The following GUCY1A2 variants were observed in gnomAD, a reference collection of about 807,000 sequenced individuals.
GUCY1A2 encodes guanylate cyclase soluble subunit alpha-2.
GUCY1A2 carries 27 observed loss-of-function variants against 63.5 expected under a neutral mutation model. The ratio of observed to expected loss-of-function variants is 0.43; its 90% CI spans 0.31 to 0.59. The LOEUF (loss-of-function observed/expected upper bound fraction) is 0.59. Ranked by LOEUF, GUCY1A2 falls within the 20% of genes least tolerant of loss-of-function variation. The pLI, the probability that GUCY1A2 is intolerant of heterozygous loss-of-function variation, is 0.11. For missense variants in GUCY1A2, 768 were observed against 913.3 expected (o/e 0.84, Z 2.05); for synonymous variants, 364 against 343.5 (o/e 1.06, Z -0.66).
intron 3 of GUCY1A2, among the ~76,000 whole-genome samples, chr11:106,976,996 G>T (rs571463156): frequency 1.3e-5 from 2 of 152,128 alleles, no homozygotes; most frequent in Non-Finnish European, 2.9e-5. Flanking sequence ...ACAAGCCACA[G>T]TCCAACTGCC....
chr11:106,979,293 A>T (rs934168931), intron 2 of GUCY1A2, among the ~76,000 whole-genome samples: 1 of 152,030 alleles, frequency 6.6e-6, no homozygotes, highest in African/African-American at 2.4e-5. Context: ...GTCTCTACTA[A>T]AAATACAAAA....
At chr11:106,949,094 G>C (rs775969552) in intron 3 of GUCY1A2, among the ~76,000 whole-genome samples, 1 of 152,130 alleles carries the variant, frequency 6.6e-6, no homozygotes, top group Non-Finnish European at 1.5e-5. Flanking sequence ...ACGATTGTGT[G>C]TGTGTGTTGT....
intron 4 of GUCY1A2, among the ~76,000 whole-genome samples, chr11:106,841,457 T>C (rs1859196476): frequency 6.6e-6 from 1 of 151,918 alleles, no homozygotes; most frequent in South Asian, 2.1e-4. Flanking sequence ...CTGACTCGAC[T>C]TAAAGACATT....
rs1376643664 is a variant in GUCY1A2 at position 107,014,182 on chromosome 11, G to A, written c.303+3571C>T. Among the ~76,000 whole-genome samples the A allele has an allele frequency of 3.5e-5, 5 of 141,628 alleles. No homozygotes were observed. In the East Asian group the frequency reaches 8.4e-4, roughly 24 times the overall value. The allele number at this position is 141,628 out of a possible 152,430, so 92.9% of individuals were successfully genotyped here. On this transcript the variant is annotated intron_variant, in intron 1 of 7. Transcript: ENST00000526355. Reference sequence around the variant, plus strand: ...CGGCTCACTACAACCTCTGCCTCCCGGGTTCAAGCAATTCTCCTGCCTCAG... The same window carrying A: ...CGGCTCACTACAACCTCTGCCTCCCAGGTTCAAGCAATTCTCCTGCCTCAG...
chr11:106,956,895 T>G (rs766608095), intron 3 of GUCY1A2, among the ~76,000 whole-genome samples: 1 of 152,208 alleles, frequency 6.6e-6, no homozygotes. Flanking sequence ...ACAGCAAGTC[T>G]GCTGGTCCCC....
In GUCY1A2 at chr11:106,939,969, C is replaced by T. The variant is rs1860731350; in HGVS notation, c.697G>A (p.Gly233Ser). The T allele has an allele frequency of 1.9e-6, 3 of 1,614,038 alleles. No individual in the cohort carries two copies. Among genetic ancestry groups the T allele is most frequent in the East Asian group, 2.2e-5 (1 of 44,874 alleles). Residue 233 changes from glycine (G) to serine (S), a missense_variant, in exon 4 of 8, where the codon GGT (glycine) becomes AGT (serine). By Grantham distance (56) the Gly-to-Ser change is moderately conservative (BLOSUM62 0). Coordinates refer to ENST00000526355, the MANE Select transcript of GUCY1A2 (RefSeq NM_000855.3). ...TGGAAGTAGTGGAGCATGAGAGTACCTTCAGGGAGCTCTTTGCATAGGAAA... is the reference window on the plus strand; with the variant it reads ...TGGAAGTAGTGGAGCATGAGAGTACTTTCAGGGAGCTCTTTGCATAGGAAA... ...PSFLCKELPE[G>S]TLMLHYFHPH... is the part of the protein sequence containing the mutation.
At chr11:106,961,384 A>G (rs571862318) in intron 3 of GUCY1A2, among the ~76,000 whole-genome samples, 32 of 152,262 alleles carry the variant, frequency 2.1e-4, no homozygotes, top group African/African-American at 7.5e-4. Flanking sequence ...GCTAAAAGAG[A>G]TATAAAACAA....
At chr11:106,956,847 T>A (rs1860991662) in intron 3 of GUCY1A2, among the ~76,000 whole-genome samples, 1 of 152,158 alleles carries the variant, frequency 6.6e-6, no homozygotes, top group Admixed American at 6.5e-5. Flanking sequence ...AACCCACTCA[T>A]CTGAGCTGCC....
chr11:106,698,934 G>A (rs1169811455), intron 7 of GUCY1A2, among the ~76,000 whole-genome samples: 1 of 151,914 alleles, frequency 6.6e-6, no homozygotes, highest in African/African-American at 2.4e-5. Flanking sequence ...AATCTGATGA[G>A]AATATTAAAA....
chr11:106,881,146 T>C (rs1380635414), intron 4 of GUCY1A2, among the ~76,000 whole-genome samples: 2 of 152,266 alleles, frequency 1.3e-5, no homozygotes, highest in East Asian at 1.9e-4. Flanking sequence ...GAACAACTAA[T>C]ACTTTCACTT....
chr11:106,771,685 G>A (rs1864258821), intron 6 of GUCY1A2, among the ~76,000 whole-genome samples: 1 of 151,954 alleles, frequency 6.6e-6, no homozygotes, highest in African/African-American at 2.4e-5. Flanking sequence ...ACAGGAGGTT[G>A]AGGCTGTAGT....
At chr11:106,743,521 C>T (rs1341019604) in intron 6 of GUCY1A2, among the ~76,000 whole-genome samples, 1 of 152,162 alleles carries the variant, frequency 6.6e-6, no homozygotes, top group Non-Finnish European at 1.5e-5. Context: ...CTGCCCAGCA[C>T]CTGTCTCTCT....
chr11:106,799,566 G>C (rs1247295088), intron 5 of GUCY1A2, among the ~76,000 whole-genome samples: 1 of 152,160 alleles, frequency 6.6e-6, no homozygotes, highest in African/African-American at 2.4e-5. Flanking sequence ...GTACAGAACA[G>C]AGTTCTCAGA....
chr11:106,804,042 G>A (rs895483613), intron 5 of GUCY1A2, among the ~76,000 whole-genome samples: 2 of 152,132 alleles, frequency 1.3e-5, no homozygotes, highest in Admixed American at 6.5e-5. Context: ...ATATAAATGA[G>A]TTCTTTTCTA....
rs1860936817 is a variant in GUCY1A2, at chr11:106,953,328, T to C, written c.488-13150A>G. Among the ~76,000 whole-genome samples the C allele has an allele frequency of 2.0e-5, 3 of 152,252 alleles. No homozygotes were observed. The South Asian group carries it at 6.2e-4, about 31-fold the overall frequency. Reference sequence around the variant, plus strand: ...CTGTTTATCTGACGGATTATGTTTATGCATTTGCATATGTTGAACCAGCCT... The same window carrying C: ...CTGTTTATCTGACGGATTATGTTTACGCATTTGCATATGTTGAACCAGCCT... On this transcript the variant is annotated intron_variant, in intron 3 of 7. Coordinates refer to ENST00000526355, the MANE Select transcript of GUCY1A2 (RefSeq NM_000855.3).
intron 4 of GUCY1A2, among the ~76,000 whole-genome samples, chr11:106,863,257 G>T (rs536043192): frequency 4.6e-5 from 7 of 152,032 alleles, no homozygotes; most frequent in Non-Finnish European, 5.9e-5. Context: ...TTCTTCTATG[G>T]TTTTTTGGTT....
At chr11:106,921,021 T>C (rs942588662) in intron 4 of GUCY1A2, among the ~76,000 whole-genome samples, 1 of 152,060 alleles carries the variant, frequency 6.6e-6, no homozygotes, top group African/African-American at 2.4e-5. Flanking sequence ...ATCAACTCAA[T>C]ATTTGCAACA....
chr11:106,898,948 G>A lies in GUCY1A2; in HGVS notation c.1206+40512C>T, dbSNP rs188023317. Among the ~76,000 whole-genome samples the A allele has an allele frequency of 1.7e-4, 26 of 152,254 alleles. No homozygotes were observed. The East Asian group carries it at 5.0e-3, about 29-fold the overall frequency. ...ATAATAGAAGGCTATGCCTGTTGAA[G>A]AGACAGAAGGTATATGGGACATCTC... On this transcript the variant is annotated intron_variant, in intron 4 of 7. Coordinates refer to ENST00000526355, the MANE Select transcript of GUCY1A2 (RefSeq NM_000855.3).
intron 2 of GUCY1A2, among the ~76,000 whole-genome samples, chr11:106,983,400 C>A (rs1565350830): frequency 6.6e-6 from 1 of 152,142 alleles, no homozygotes; most frequent in Non-Finnish European, 1.5e-5. Context: ...TAACAGGAAG[C>A]CCCATCAGCT....
Sources: gnomAD v4.1 joint callset for allele counts (sites outside exome capture counted in the v4.1 genomes callset) on GRCh38, gnomAD v4.1.1 for gene constraint, MANE v1.5 for transcripts, NCBI Gene and HGNC (gene_info 2026-07-23, HGNC 2026-07-21) for gene names.